The following FERMT2 variants were observed in gnomAD, a reference collection of about 807,000 sequenced individuals.
FERMT2 encodes the protein fermitin family homolog 2.
A neutral mutation model predicts 82.7 loss-of-function variants in FERMT2; 15 were observed. That is an observed-to-expected ratio of 0.18 (90% CI 0.12 to 0.28). FERMT2 has a LOEUF of 0.28. FERMT2 is among the 10% of genes least tolerant of loss of function. FERMT2 has a pLI of 1.00. For synonymous variants in FERMT2, 274 were observed against 271.5 expected (o/e 1.01, Z -0.09); for missense variants, 645 against 809.4 (o/e 0.80, Z 2.46).
At chr14:52,893,798 T>C (rs1887095469) in intron 3 of FERMT2, among the ~76,000 whole-genome samples, 1 of 151,722 alleles carries the variant, frequency 6.6e-6, no homozygotes, top group South Asian at 2.1e-4. Context: ...GTAAATGTAA[T>C]GATACTTTTA....
chr14:52,895,981 G>A (rs1413419916), intron 3 of FERMT2, among the ~76,000 whole-genome samples: 1 of 152,118 alleles, frequency 6.6e-6, no homozygotes, highest in Non-Finnish European at 1.5e-5. Flanking sequence ...TTGTCATGAT[G>A]CCCAGGCTGG....
At chr14:52,887,387 C>T (rs1463000406) in intron 4 of FERMT2, among the ~76,000 whole-genome samples, 1 of 151,916 alleles carries the variant, frequency 6.6e-6, no homozygotes, top group Non-Finnish European at 1.5e-5. Flanking sequence ...CTGGCATCTG[C>T]CTGAAGTCCC....
chr14:52,903,832 A>C (rs745821835), intron 3 of FERMT2, among the ~76,000 whole-genome samples: 3 of 152,208 alleles, frequency 2.0e-5, no homozygotes, highest in South Asian at 2.1e-4. Flanking sequence ...AGAGAAGATG[A>C]TGCTGAAGGG....
chr14:52,919,665 G>C (rs575118528), intron 2 of FERMT2, among the ~76,000 whole-genome samples: 2 of 152,190 alleles, frequency 1.3e-5, no homozygotes, highest in African/African-American at 4.8e-5. Context: ...CTGAGGGCTA[G>C]AATAGGAAGG....
chr14:52,860,449 A>G lies in FERMT2; in HGVS notation c.1619T>C (p.Leu540Ser), dbSNP rs1884856470. The G allele has an allele frequency of 8.1e-6, 13 of 1,612,966 alleles. No homozygotes were observed. The highest frequency in any genetic ancestry group is 1.1e-5 in the Non-Finnish European group (13 of 1,179,504). The change falls in exon 13 of 15, where the codon TTG becomes TCG. Residue 540 changes from leucine to serine, a missense_variant. By Grantham distance (145) the Leu-to-Ser change is moderately radical (BLOSUM62 -2). Transcript: ENST00000341590. ...YKNKQITARILEAHQNVAQMS... is the reference protein window; with the variant it reads ...YKNKQITARISEAHQNVAQMS... ...CTGAGCTACATTCTGATGGGCCTCC[A>G]AGATTCTCGCTGTTATCTAAACATG...
intron 2 of FERMT2, among the ~76,000 whole-genome samples, chr14:52,934,297 G>A (rs1889734672): frequency 6.6e-6 from 1 of 152,056 alleles, no homozygotes; most frequent in South Asian, 2.1e-4. Context: ...ATATGGAAAT[G>A]GAAAAAATAG....
At chr14:52,900,409 CTG>C (rs1451518077) in intron 3 of FERMT2, among the ~76,000 whole-genome samples, 2 of 151,970 alleles carry the variant, frequency 1.3e-5, no homozygotes, top group Non-Finnish European at 2.9e-5. Context: ...AATTGAGAAA[CTG>C]AGGTAAAGAA....
At chr14:52,948,462 G>C in intron 2 of FERMT2, 2 of 407,090 alleles carry the variant, frequency 4.9e-6, no homozygotes, top group Non-Finnish European at 9.6e-6. Context: ...AAACAGGAAA[G>C]TCAGAGGCAC....
intron 12 of FERMT2, chr14:52,863,456 C>A (rs895277505): frequency 1.3e-5 from 2 of 152,086 alleles, no homozygotes; most frequent in Admixed American, 6.6e-5. Context: ...AAACTAAAGC[C>A]TTTTCCTTTT....
intron 2 of FERMT2, among the ~76,000 whole-genome samples, chr14:52,930,200 GA>G (rs1393289377): frequency 1.3e-5 from 2 of 152,072 alleles, no homozygotes; most frequent in Non-Finnish European, 2.9e-5. Flanking sequence ...CTAGAAAAAG[GA>G]AATAAAACTG....
chr14:52,862,730 G>A lies in FERMT2; in HGVS notation c.1602+1671C>T, dbSNP rs1056750762. On this transcript the variant is annotated intron_variant, in intron 12 of 14. Transcript: ENST00000341590. ...CTATAGCTCTAGTGAGAGAAAGGAG[G>A]GTTAAAAATGTGCATTTGATTAGAT... 24 of 152,098 alleles carry A rather than the reference G, an allele frequency of 1.6e-4. 1 individual carries two copies. The highest frequency in any genetic ancestry group is 1.4e-3 in the Admixed American group (21 of 15,276). 9.4% of individuals were successfully genotyped at this position (152,098 alleles called of 1,614,324 possible).
At chr14:52,861,846 A>C (rs151259442) in intron 12 of FERMT2, 1 of 152,320 alleles carries the variant, frequency 6.6e-6, no homozygotes, top group East Asian at 1.9e-4. Context: ...GATAGACCCA[A>C]AAGAAAACTA....
At chr14:52,901,007 TC>T (rs1887591593) in intron 3 of FERMT2, among the ~76,000 whole-genome samples, 1 of 145,042 alleles carries the variant, frequency 6.9e-6, no homozygotes, top group Non-Finnish European at 1.5e-5. Flanking sequence ...ATGCCTGTAA[TC>T]CTAGCACTTT....
At position 52,872,678 on chromosome 14, in the gene FERMT2, A is replaced by G. The variant is rs1322068628; in HGVS notation, c.1273+121T>C. 11 of 950,662 alleles carry G rather than the reference A, an allele frequency of 1.2e-5. No homozygotes were observed. In the African/African-American group the frequency reaches 1.5e-4, roughly 13 times the overall value. 58.9% of individuals were successfully genotyped at this position (950,662 alleles called of 1,614,324 possible). A position where few individuals can be genotyped will look rare whatever the true frequency, so the allele number is the denominator to read the frequency against. ...AGACATATCTAAACATTTTTCAAGTACCCAAAGGAGTAAAGAAATTGATTT... is the reference window on the plus strand; with the variant it reads ...AGACATATCTAAACATTTTTCAAGTGCCCAAAGGAGTAAAGAAATTGATTT... On this transcript the variant is annotated intron_variant, in intron 10 of 14. Transcript: ENST00000341590.
At position 52,919,235 on chromosome 14, in the gene FERMT2, G is replaced by A. The variant is rs371866046; in HGVS notation, c.279C>T (p.Thr93=). 6.8e-6 allele frequency: 11 copies of A among 1,613,842 alleles called. No individual in the cohort carries two copies. The highest frequency in any genetic ancestry group is 9.3e-6 in the Non-Finnish European group (11 of 1,179,906). The change falls in exon 3 of 15, where the codon ACC becomes ACT. Residue 93 remains threonine (T), a synonymous_variant. Coordinates refer to ENST00000341590, the MANE Select transcript of FERMT2 (RefSeq NM_006832.3). ...GCAGGCGGAGCAGTTTGTGCTGAGG[G>A]GTGAACTGAAGCTTAGCATCTGCCT... ...GIQADAKLQF[T]PQHKLLRLQL... is the part of the protein sequence containing the mutation.
chr14:52,862,829 G>T (rs1698623423), intron 12 of FERMT2: 1 of 152,216 alleles, frequency 6.6e-6, no homozygotes, highest in Non-Finnish European at 1.5e-5. Flanking sequence ...GTCAGTTAAA[G>T]ATAAATCTTC....
chr14:52,890,832 A>C (rs947707112), intron 4 of FERMT2, among the ~76,000 whole-genome samples: 2 of 151,962 alleles, frequency 1.3e-5, no homozygotes, highest in Non-Finnish European at 2.9e-5. Flanking sequence ...CGAACTCCTG[A>C]CCTCAGGTGA....
intron 10 of FERMT2, among the ~76,000 whole-genome samples, chr14:52,865,938 C>T (rs1344877443): frequency 1.3e-5 from 2 of 152,142 alleles, no homozygotes; most frequent in African/African-American, 4.8e-5. Flanking sequence ...AAAATATTTA[C>T]TACATATGAA....
intron 3 of FERMT2, among the ~76,000 whole-genome samples, chr14:52,900,097 T>C (rs1395902107): frequency 1.3e-5 from 2 of 151,788 alleles, no homozygotes; most frequent in Non-Finnish European, 2.9e-5. Context: ...TATATAGCAA[T>C]GTTTTTTTTT....
Sources: gnomAD v4.1 joint callset for allele counts (sites outside exome capture counted in the v4.1 genomes callset) on GRCh38, gnomAD v4.1.1 for gene constraint, MANE v1.5 for transcripts, NCBI Gene and HGNC (gene_info 2026-07-23, HGNC 2026-07-21) for gene names.